The following RMDN2 variants were observed in gnomAD, a reference collection of about 807,000 sequenced individuals.
RMDN2 encodes the protein regulator of microtubule dynamics 2.
A neutral mutation model predicts 52.8 loss-of-function variants in RMDN2; 61 were observed. That is an observed-to-expected ratio of 1.16 (90% CI 0.94 to 1.43). The LOEUF is 1.43. Among genes scored for constraint, RMDN2 ranks in the 40% most tolerant of loss-of-function variants. The pLI, the probability that RMDN2 is intolerant of heterozygous loss-of-function variation, is 0.00. For synonymous variants in RMDN2, 180 were observed against 153.1 expected, an observed-to-expected ratio of 1.18 and a Z score of -1.30; for missense variants, 592 against 475.3, an observed-to-expected ratio of 1.25 and a Z score of -2.28.
At chr2:37,931,162 G>C (rs913743089) in intron 2 of RMDN2, among the ~76,000 whole-genome samples, 1 of 152,162 alleles carries the variant, frequency 6.6e-6, no homozygotes, top group Admixed American at 6.5e-5. Flanking sequence ...TCTTCCTAGA[G>C]CTATCATTTG....
At chr2:38,003,894 C>A in intron 8 of RMDN2, 97 bp from the exon 9 acceptor site, 2 of 970,848 alleles carry the variant, frequency 2.1e-6, no homozygotes, top group South Asian at 2.7e-5. Flanking sequence ...CAGTTTGGTT[C>A]ATAATATTTG....
chr2:37,988,552 G>C (rs1359037835), intron 5 of RMDN2, among the ~76,000 whole-genome samples: 1 of 152,114 alleles, frequency 6.6e-6, no homozygotes, highest in Non-Finnish European at 1.5e-5. Flanking sequence ...GTCTAGGAAT[G>C]GTCTTACTGT....
chr2:37,971,432 C>G (rs955774221), intron 2 of RMDN2, among the ~76,000 whole-genome samples: 2 of 151,992 alleles, frequency 1.3e-5, no homozygotes, highest in Non-Finnish European at 2.9e-5. Context: ...ATAGATGATC[C>G]ATAATGTCTA....
intron 10 of RMDN2, among the ~76,000 whole-genome samples, chr2:38,048,002 T>C (rs1233083581): frequency 6.6e-6 from 1 of 152,240 alleles, no homozygotes; most frequent in African/African-American, 2.4e-5. Context: ...CTCACTGAAA[T>C]GAAGGATTGA....
At chr2:37,929,813 G>A (rs915872190) in intron 2 of RMDN2, 84 bp downstream of exon 2, 1 of 874,712 alleles carries the variant, frequency 1.1e-6, no homozygotes, top group African/African-American at 1.7e-5. Context: ...ATGGGTTCCA[G>A]TCATATATCC....
rs563791009 is a variant in RMDN2, at chr2:37,962,731, T to A, written c.453-11309T>A. 1.0e-3 allele frequency among the ~76,000 whole-genome samples: 153 copies of A among 151,812 alleles called. 1 individual carries two copies. Among genetic ancestry groups the A allele is most frequent in the Middle Eastern group, 6.8e-3 (2 of 294 alleles). ...GTCTTTCTGGGGTTCACACCCCAGATGTGACTGGGGTACGAAAAAAAAAAA... is the reference window on the plus strand; with the variant it reads ...GTCTTTCTGGGGTTCACACCCCAGAAGTGACTGGGGTACGAAAAAAAAAAA... On this transcript the variant is annotated intron_variant, in intron 2 of 10. Coordinates refer to ENST00000354545, the MANE Select transcript of RMDN2 (RefSeq NM_001170791.3).
intron 2 of RMDN2, among the ~76,000 whole-genome samples, chr2:37,941,378 C>T (rs1156276944): frequency 6.6e-6 from 1 of 152,210 alleles, no homozygotes; most frequent in East Asian, 1.9e-4. Flanking sequence ...GGGTCAGGGA[C>T]CCACTTGAGG....
intron 10 of RMDN2, among the ~76,000 whole-genome samples, chr2:38,025,967 G>C (rs895369416): frequency 1.3e-5 from 2 of 152,052 alleles, no homozygotes; most frequent in Non-Finnish European, 2.9e-5. Flanking sequence ...TTCAGAGAAT[G>C]AGTTGAAAAG....
intron 4 of RMDN2, among the ~76,000 whole-genome samples, chr2:37,979,054 G>A (rs1295139450): frequency 2.6e-5 from 4 of 152,066 alleles, no homozygotes; most frequent in African/African-American, 9.7e-5. Flanking sequence ...AATTGAAATA[G>A]GATATATCCA....
rs192066784 is a variant in RMDN2 at position 37,925,871 on chromosome 2, G to A, written c.-17+446G>A. Among the ~76,000 whole-genome samples, 4 of 152,272 alleles carry A rather than the reference G, an allele frequency of 2.6e-5. No homozygotes were observed. The East Asian group carries it at 5.8e-4, about 22-fold the overall frequency. ...TTTTTTGCTCTCAGACTCCGTCTGT[G>A]CCTATTTCACACAAAAACGAAGGCC... is the stretch of plus-strand genomic sequence containing the variant. On this transcript the variant is annotated intron_variant, in intron 1 of 10. Transcript: ENST00000354545.
intron 2 of RMDN2, among the ~76,000 whole-genome samples, chr2:37,972,474 A>G (rs1353842920): frequency 6.6e-6 from 1 of 152,224 alleles, no homozygotes; most frequent in Non-Finnish European, 1.5e-5. Flanking sequence ...GGAAAGTGAT[A>G]GAAGATAAGA....
intron 10 of RMDN2, among the ~76,000 whole-genome samples, chr2:38,058,295 T>C (rs908243388): frequency 6.6e-6 from 1 of 152,114 alleles, no homozygotes; most frequent in African/African-American, 2.4e-5. Flanking sequence ...ATCTGAAAAA[T>C]AGCATTCAAT....
chr2:38,005,469 T>C, intron 10 of RMDN2, among the ~76,000 whole-genome samples: 1 of 152,182 alleles, frequency 6.6e-6, no homozygotes. Context: ...TGAGCATTTT[T>C]TCATGTGTCT....
At chr2:37,961,369 T>C (rs533515287) in intron 2 of RMDN2, among the ~76,000 whole-genome samples, 123 of 152,256 alleles carry the variant, frequency 8.1e-4, no homozygotes, top group African/African-American at 2.9e-3. Flanking sequence ...CCATATTTCT[T>C]GGAAGCTTTG....
At chr2:38,006,189 C>G (rs1262444415) in intron 10 of RMDN2, among the ~76,000 whole-genome samples, 3 of 152,218 alleles carry the variant, frequency 2.0e-5, no homozygotes, top group Non-Finnish European at 4.4e-5. Context: ...AATGTGGGCT[C>G]TTTTTTGGTT....
intron 2 of RMDN2, chr2:37,952,135 A>T: frequency 6.2e-7 from 1 of 1,613,156 alleles, no homozygotes; most frequent in Non-Finnish European, 8.5e-7. Context: ...CTGTTTGAAG[A>T]TGAAGACTTT....
intron 2 of RMDN2, among the ~76,000 whole-genome samples, chr2:37,972,826 T>C (rs1490149125): frequency 1.3e-5 from 2 of 152,166 alleles, no homozygotes; most frequent in African/African-American, 4.8e-5. Context: ...GAAAAAAGCA[T>C]CAAGGATGAT....
chr2:37,964,850 T>A (rs1670820435), intron 2 of RMDN2, among the ~76,000 whole-genome samples: 1 of 152,202 alleles, frequency 6.6e-6, no homozygotes, highest in African/African-American at 2.4e-5. Context: ...ATTATTTTAT[T>A]TTTACTATTA....
intron 4 of RMDN2, 152 bp from the exon 5 acceptor site, chr2:37,981,131 C>A: frequency 1.6e-6 from 1 of 630,132 alleles, no homozygotes; most frequent in East Asian, 2.9e-5. Context: ...AGTAGATCTC[C>A]AATGTGGCTG....
Sources: gnomAD v4.1 joint callset for allele counts (sites outside exome capture counted in the v4.1 genomes callset) on GRCh38, gnomAD v4.1.1 for gene constraint, MANE v1.5 for transcripts, NCBI Gene and HGNC (gene_info 2026-07-23, HGNC 2026-07-21) for gene names.